Variants in GRM7 observed in about 807,000 individuals in gnomAD.
GRM7 encodes metabotropic glutamate receptor 7.
GRM7 carries 35 observed loss-of-function variants against 84.5 expected under a neutral mutation model. That is an observed-to-expected ratio of 0.41 (90% CI 0.32 to 0.55). The LOEUF is 0.55. Among genes scored for constraint, GRM7 ranks in the 20% least tolerant of loss-of-function variants. GRM7 has a pLI of 0.19. For missense variants in GRM7, 1,003 were observed against 1,194.6 expected, an observed-to-expected ratio of 0.84 and a Z score of 2.36; for synonymous variants, 487 against 455.1, an observed-to-expected ratio of 1.07 and a Z score of -0.89.
chr3:7,131,900 C>A (rs1348627628), intron 1 of GRM7, among the ~76,000 whole-genome samples: 1 of 152,160 alleles, frequency 6.6e-6, no homozygotes, highest in Admixed American at 6.5e-5. Context: ...ATCATTTTCT[C>A]CAGCTGTAAA....
intron 2 of GRM7, among the ~76,000 whole-genome samples, chr3:7,158,322 T>A (rs1430765253): frequency 6.6e-6 from 1 of 152,104 alleles, no homozygotes; most frequent in African/African-American, 2.4e-5. Flanking sequence ...ATTTAGTTAT[T>A]TTCCTTTGTC....
intron 1 of GRM7, among the ~76,000 whole-genome samples, chr3:7,004,724 A>G (rs1389429512): frequency 6.6e-6 from 1 of 152,216 alleles, no homozygotes; most frequent in Non-Finnish European, 1.5e-5. Context: ...TATTGTGGAA[A>G]TGTGAATGGA....
chr3:7,113,204 G>A (rs1375520366), intron 1 of GRM7, among the ~76,000 whole-genome samples: 2 of 152,028 alleles, frequency 1.3e-5, no homozygotes, highest in Non-Finnish European at 2.9e-5. Flanking sequence ...TAAAAAATAT[G>A]TACGAAACAA....
In GRM7 at chr3:7,581,859, A is replaced by ATTT. The variant is rs61185913; in HGVS notation, c.2451+2510_2451+2512dup. 7.6e-3 allele frequency among the ~76,000 whole-genome samples: 1,140 copies of ATTT among 149,258 alleles called. 8 individuals carry two copies. Among genetic ancestry groups the ATTT allele is most frequent in the Non-Finnish European group, 7.6e-3 (513 of 67,120 alleles). ...AAGAGACAGCAGTGTTCTTTTCCTT[A>ATTT]TTTTTTTTTTGCAAAATATTAACCC... On this transcript the variant is annotated intron_variant, in intron 8 of 9. Coordinates refer to ENST00000357716, the MANE Select transcript of GRM7 (RefSeq NM_000844.4).
At chr3:7,462,843 T>A (rs1358329732) in intron 7 of GRM7, among the ~76,000 whole-genome samples, 1 of 152,188 alleles carries the variant, frequency 6.6e-6, no homozygotes, top group African/African-American at 2.4e-5. Flanking sequence ...CATTTGGGAA[T>A]GGTTGGAATC....
intron 1 of GRM7, among the ~76,000 whole-genome samples, chr3:7,051,456 A>T (rs1696995929): frequency 6.6e-6 from 1 of 151,918 alleles, no homozygotes; most frequent in South Asian, 2.1e-4. Flanking sequence ...GAGAACCATC[A>T]CTTCTGTCTT....
At chr3:6,877,437 A>G (rs1396640396) in intron 1 of GRM7, among the ~76,000 whole-genome samples, 2 of 152,214 alleles carry the variant, frequency 1.3e-5, no homozygotes, top group Non-Finnish European at 2.9e-5. Flanking sequence ...ATGGTTCTAT[A>G]TAGATATGTA....
chr3:7,399,201 AATAATAATAAT>A (rs1180806065), intron 4 of GRM7, among the ~76,000 whole-genome samples: 1 of 150,938 alleles, frequency 6.6e-6, no homozygotes, highest in African/African-American at 2.4e-5. Context: ...TAATAATAAT[AATAATAATAAT>A]AAAATGTCCT....
Position 7,710,015 on chromosome 3 carries a change from G to C in GRM7, c.2698+29720G>C, listed in dbSNP as rs527295677. Among the ~76,000 whole-genome samples the C allele has an allele frequency of 8.2e-4, 124 of 152,104 alleles. No individual in the cohort carries two copies. The South Asian group carries it at 1.0e-2, about 12-fold the overall frequency. ...GGACAGGTCATGGGTGGGACTTCTGGAATCTGAATGCTGCCCCACTTCTTG... is the reference window on the plus strand; with the variant it reads ...GGACAGGTCATGGGTGGGACTTCTGCAATCTGAATGCTGCCCCACTTCTTG... On this transcript the variant is annotated intron_variant, in intron 9 of 9. Transcript: ENST00000357716.
At chr3:7,388,519 C>T (rs998459376) in intron 4 of GRM7, among the ~76,000 whole-genome samples, 1 of 152,000 alleles carries the variant, frequency 6.6e-6, no homozygotes, top group African/African-American at 2.4e-5. Context: ...AGGGATGGTA[C>T]CAATTCTTCT....
chr3:7,443,887 G>T (rs986637858), intron 5 of GRM7, among the ~76,000 whole-genome samples: 1 of 152,116 alleles, frequency 6.6e-6, no homozygotes, highest in African/African-American at 2.4e-5. Flanking sequence ...TTTTTGTGAA[G>T]ATTTTTGTTA....
intron 4 of GRM7, among the ~76,000 whole-genome samples, chr3:7,324,925 G>T (rs1700927084): frequency 1.3e-5 from 2 of 152,088 alleles, no homozygotes; most frequent in African/African-American, 4.8e-5. Context: ...GTTTCTTCCA[G>T]TATATATCAG....
chr3:7,472,319 A>T (rs184145368), intron 7 of GRM7, among the ~76,000 whole-genome samples: 1 of 152,214 alleles, frequency 6.6e-6, no homozygotes, highest in Non-Finnish European at 1.5e-5. Flanking sequence ...GAGAGTTCAC[A>T]TAATTGTGTA....
At chr3:7,177,026 CT>C (rs1218896846) in intron 2 of GRM7, among the ~76,000 whole-genome samples, 26 of 152,306 alleles carry the variant, frequency 1.7e-4, no homozygotes, top group African/African-American at 5.3e-4. Flanking sequence ...GCTTGTCAGT[CT>C]TTTCACATAG....
chr3:7,259,303 T>G (rs1467472405), intron 2 of GRM7, among the ~76,000 whole-genome samples: 1 of 152,186 alleles, frequency 6.6e-6, no homozygotes, highest in East Asian at 1.9e-4. Context: ...TATTTTAGAT[T>G]TTGGGATACA....
chr3:7,176,480 ATCCTTTCG>A (rs1695155282), intron 2 of GRM7, among the ~76,000 whole-genome samples: 1 of 152,122 alleles, frequency 6.6e-6, no homozygotes, highest in African/African-American at 2.4e-5. Context: ...TTGCAAACTC[ATCCTTTCG>A]TCTTTATTCA....
At chr3:7,566,926 T>C (rs1217707602) in intron 7 of GRM7, among the ~76,000 whole-genome samples, 2 of 152,222 alleles carry the variant, frequency 1.3e-5, no homozygotes, top group Non-Finnish European at 2.9e-5. Flanking sequence ...TCTGGGAGTT[T>C]TGAATTCTGC....
At position 6,984,443 on chromosome 3, in the gene GRM7, C is replaced by T. The variant is rs552297914; in HGVS notation, c.519+122536C>T. ...AGTAATAATTACATAGATTTCATTA[C>T]GTAGACTTTATTCCATCAATGGTTA... On this transcript the variant is annotated intron_variant, in intron 1 of 9. Coordinates refer to ENST00000357716, the MANE Select transcript of GRM7 (RefSeq NM_000844.4). Among the ~76,000 whole-genome samples, 47 of 152,088 alleles carry T rather than the reference C, an allele frequency of 3.1e-4. 1 individual carries two copies. The South Asian group carries it at 5.6e-3, about 18-fold the overall frequency.
chr3:7,273,874 TATAGTTGGAGTA>T (rs1279579960), intron 2 of GRM7, among the ~76,000 whole-genome samples: 1 of 151,984 alleles, frequency 6.6e-6, no homozygotes, highest in Non-Finnish European at 1.5e-5. Context: ...TGAATATTTA[TATAGTTGGAGTA>T]ATAGCTGCCA....
Sources: allele counts gnomAD v4.1 joint callset (sites outside exome capture counted in the v4.1 genomes callset), GRCh38; gene constraint gnomAD v4.1.1; transcripts MANE v1.5; gene names NCBI Gene and HGNC (gene_info 2026-07-23, HGNC 2026-07-21).